ADGRB3: variants seen among roughly 807,000 people sequenced by gnomAD.
ADGRB3 encodes adhesion G protein-coupled receptor B3, also known as brain-specific angiogenesis inhibitor 3.
In ADGRB3, 37 loss-of-function variants were observed where a neutral mutation model predicts 193.4. The ratio of observed to expected loss-of-function variants is 0.19; its 90% CI spans 0.15 to 0.25. The LOEUF (loss-of-function observed/expected upper bound fraction) is 0.25, where lower values mean the gene tolerates loss of function less well. Ranked by LOEUF, ADGRB3 falls within the 10% of genes least tolerant of loss-of-function variation. The pLI, the probability that ADGRB3 is intolerant of heterozygous loss-of-function variation, is 1.00. For missense variants in ADGRB3, 1,637 were observed against 1,852.9 expected (o/e 0.88, Z 2.14); for synonymous variants, 690 against 644.2 (o/e 1.07, Z -1.08).
At chr6:69,116,557 G>T (rs930784205) in intron 17 of ADGRB3, among the ~76,000 whole-genome samples, 3 of 152,152 alleles carry the variant, frequency 2.0e-5, no homozygotes, top group Non-Finnish European at 4.4e-5. Flanking sequence ...TAAGCTAGGA[G>T]GGATCAGGAA....
chr6:68,890,985 T>C (rs1766060862), intron 3 of ADGRB3, among the ~76,000 whole-genome samples: 2 of 152,178 alleles, frequency 1.3e-5, no homozygotes, highest in Non-Finnish European at 2.9e-5. Flanking sequence ...GTTTTCATGC[T>C]GTTGATAAGG....
intron 17 of ADGRB3, among the ~76,000 whole-genome samples, chr6:69,178,789 TG>T (rs1265312040): frequency 6.6e-6 from 1 of 152,200 alleles, no homozygotes; most frequent in Admixed American, 6.5e-5. Flanking sequence ...CAGTCTCTAT[TG>T]GTTTATAAGG....
chr6:69,026,402 A>G (rs1770434035), intron 13 of ADGRB3, among the ~76,000 whole-genome samples: 1 of 152,218 alleles, frequency 6.6e-6, no homozygotes, highest in South Asian at 2.1e-4. Context: ...ATAAGTAAGC[A>G]GAAAGGCCAT....
At chr6:69,232,404 C>T (rs1349319650) in intron 17 of ADGRB3, 5 of 1,445,298 alleles carry the variant, frequency 3.5e-6, no homozygotes, top group African/African-American at 2.9e-5. Flanking sequence ...GGGAAATAAA[C>T]CATATGCTTT....
chr6:68,893,302 A>T (rs1766130084), intron 3 of ADGRB3, among the ~76,000 whole-genome samples: 1 of 152,054 alleles, frequency 6.6e-6, no homozygotes, highest in South Asian at 2.1e-4. Flanking sequence ...TTACCTAAGT[A>T]AGCAGAAAGT....
intron 3 of ADGRB3, among the ~76,000 whole-genome samples, chr6:68,841,441 A>G (rs1768157193): frequency 6.6e-6 from 1 of 152,152 alleles, no homozygotes; most frequent in Admixed American, 6.5e-5. Flanking sequence ...CAATAGAAAT[A>G]AATAACAAGA....
chr6:69,055,719 C>T (rs954892462), intron 15 of ADGRB3, among the ~76,000 whole-genome samples: 1 of 152,144 alleles, frequency 6.6e-6, no homozygotes. Context: ...AAAGCAGCTG[C>T]ACCATTTCAC....
At chr6:68,670,847 G>C (rs892980612) in intron 3 of ADGRB3, among the ~76,000 whole-genome samples, 17 of 151,976 alleles carry the variant, frequency 1.1e-4, no homozygotes, top group African/African-American at 4.1e-4. Context: ...ATTGCTTTGA[G>C]TAGTATGGAC....
At chr6:69,239,080 T>C (rs1169100851) in intron 19 of ADGRB3, 44 bp from the exon 20 acceptor site, 1 of 1,172,734 alleles carries the variant, frequency 8.5e-7, no homozygotes, top group East Asian at 2.4e-5. Context: ...TCTTCATCTT[T>C]CTGTTGGATT....
intron 1 of ADGRB3, among the ~76,000 whole-genome samples, 200 bp downstream of exon 1, chr6:68,636,200 G>A (rs555183982): frequency 6.6e-6 from 1 of 152,220 alleles, no homozygotes; most frequent in Admixed American, 6.5e-5. Context: ...TTCAAGAGAT[G>A]TGCTGGGTCA....
intron 17 of ADGRB3, among the ~76,000 whole-genome samples, chr6:69,116,329 T>G (rs1205136098): frequency 6.6e-6 from 1 of 152,124 alleles, no homozygotes; most frequent in Non-Finnish European, 1.5e-5. Context: ...AAATTAACCC[T>G]CTCAGCATGT....
intron 17 of ADGRB3, among the ~76,000 whole-genome samples, chr6:69,210,149 C>CAAATATATATATATATATATATATAT (rs1765628806): frequency 1.3e-5 from 1 of 78,940 alleles, no homozygotes; most frequent in Non-Finnish European, 2.5e-5. Flanking sequence ...TAATATATAT[C>CAAATATATATATATATATATATATAT]ATATATATAT....
chr6:68,990,954 ACT>A (rs1455708780), intron 10 of ADGRB3, among the ~76,000 whole-genome samples: 1 of 151,862 alleles, frequency 6.6e-6, no homozygotes, highest in Non-Finnish European at 1.5e-5. Flanking sequence ...TTTAGGTTAG[ACT>A]CTATTACCTT....
intron 3 of ADGRB3, among the ~76,000 whole-genome samples, chr6:68,777,370 G>A (rs1766767376): frequency 1.3e-5 from 2 of 152,062 alleles, no homozygotes; most frequent in South Asian, 4.1e-4. Flanking sequence ...CCAAAATTCT[G>A]CTAGGAATGT....
chr6:69,223,134 C>T (rs893389455), intron 17 of ADGRB3, among the ~76,000 whole-genome samples: 2 of 152,120 alleles, frequency 1.3e-5, no homozygotes, highest in African/African-American at 4.8e-5. Context: ...ATACTGAGGA[C>T]TCCCATTTTC....
At chr6:69,310,484 T>C (rs1373100462) in intron 20 of ADGRB3, among the ~76,000 whole-genome samples, 1 of 151,752 alleles carries the variant, frequency 6.6e-6, no homozygotes, top group Non-Finnish European at 1.5e-5. Context: ...AAATGAGGTA[T>C]AGTAATAAAA....
Position 69,014,077 on chromosome 6 carries a change from A to G in ADGRB3, c.1969A>G (p.Asn657Asp). The G allele has an allele frequency of 6.2e-7, 1 of 1,605,680 alleles. No homozygotes were observed. Among genetic ancestry groups the G allele is most frequent in the Non-Finnish European group, 8.5e-7 (1 of 1,174,802 alleles). Reference sequence around the variant, plus strand: ...AGTTAGCAACCTTCTAGATGAAGAAAACAAGGAAAAATGGGAAGATGCACA... The same window carrying G: ...AGTTAGCAACCTTCTAGATGAAGAAGACAAGGAAAAATGGGAAGATGCACA... ...QIVSNLLDEENKEKWEDAQQI... is the reference protein window; with the variant it reads ...QIVSNLLDEEDKEKWEDAQQI... Residue 657 changes from asparagine (N) to aspartate (D), a missense_variant, in exon 12 of 32, where the codon AAC becomes GAC. Asn to Asp is a conservative substitution (Grantham distance 23). Transcript: ENST00000370598.
At chr6:69,110,620 A>G (rs966096656) in intron 17 of ADGRB3, among the ~76,000 whole-genome samples, 1 of 152,216 alleles carries the variant, frequency 6.6e-6, no homozygotes. Flanking sequence ...CCTTTTTCTG[A>G]TTAAAGTACT....
chr6:69,370,873 ATTTAGTCTAGCATATTGCAGCAAAGTGT>A (rs1769692802), intron 29 of ADGRB3, among the ~76,000 whole-genome samples: 1 of 152,146 alleles, frequency 6.6e-6, no homozygotes, highest in Non-Finnish European at 1.5e-5. Flanking sequence ...AAGCCCTGAC[ATTTAGTCTAGCATATTGCAGCAAAGTGT>A]GGTGCAGTAC....
Sources: gnomAD v4.1 joint callset for allele counts (sites outside exome capture counted in the v4.1 genomes callset) on GRCh38, gnomAD v4.1.1 for gene constraint, MANE v1.5 for transcripts, NCBI Gene and HGNC (gene_info 2026-07-23, HGNC 2026-07-21) for gene names.